CTNND2: variants seen among roughly 807,000 people sequenced by gnomAD.
CTNND2 encodes the protein catenin delta-2.
CTNND2 carries 22 observed loss-of-function variants against 144.4 expected under a neutral mutation model. The ratio of observed to expected loss-of-function variants is 0.15; its 90% CI spans 0.11 to 0.22. The LOEUF is 0.22. CTNND2 is among the 10% of genes least tolerant of loss of function. The pLI, the probability that CTNND2 is intolerant of heterozygous loss-of-function variation, is 1.00. For synonymous variants in CTNND2, 751 were observed against 695.6 expected (o/e 1.08, Z -1.25); for missense variants, 1,353 against 1,618.8 (o/e 0.84, Z 2.82).
intron 2 of CTNND2, among the ~76,000 whole-genome samples, chr5:11,697,585 A>C (rs1785199614): frequency 6.6e-6 from 1 of 152,338 alleles, no homozygotes; most frequent in South Asian, 2.1e-4. Flanking sequence ...AATCTATTCA[A>C]GAACCCCGCC....
intron 9 of CTNND2, among the ~76,000 whole-genome samples, chr5:11,297,183 T>G (rs1441655172): frequency 1.3e-5 from 2 of 152,204 alleles, no homozygotes; most frequent in African/African-American, 4.8e-5. Flanking sequence ...ATTCAAGGAT[T>G]TGAAGTTACA....
intron 14 of CTNND2, among the ~76,000 whole-genome samples, chr5:11,106,395 G>A (rs2149678221): frequency 6.6e-6 from 1 of 152,308 alleles, no homozygotes; most frequent in African/African-American, 2.4e-5. Flanking sequence ...GTGAAGAACT[G>A]CTTACTGGCA....
At chr5:11,408,519 TC>T (rs1332983642) in intron 5 of CTNND2, among the ~76,000 whole-genome samples, 1 of 152,162 alleles carries the variant, frequency 6.6e-6, no homozygotes, top group Admixed American at 6.5e-5. Flanking sequence ...ATCAATTGTT[TC>T]TTTTTTGTTT....
rs144444531 is a variant in CTNND2, at chr5:11,711,395, A to C, written c.174+20741T>G. Among the ~76,000 whole-genome samples the C allele has an allele frequency of 2.0e-3, 312 of 152,268 alleles. 3 individuals are homozygous for C. In the Middle Eastern group the frequency reaches 0.031, roughly 15 times the overall value. ...TGATAGCATTTTTTTATATATATTTAATCGGCATAGTCCTAATTTTAACAT... is the reference window on the plus strand; with the variant it reads ...TGATAGCATTTTTTTATATATATTTCATCGGCATAGTCCTAATTTTAACAT... On this transcript the variant is annotated intron_variant, in intron 2 of 21. Coordinates refer to ENST00000304623, the MANE Select transcript of CTNND2 (RefSeq NM_001332.4).
At chr5:11,702,248 T>C (rs1018366119) in intron 2 of CTNND2, among the ~76,000 whole-genome samples, 7 of 152,194 alleles carry the variant, frequency 4.6e-5, no homozygotes, top group African/African-American at 1.7e-4. Context: ...GTTTGTTACA[T>C]AGCATACTTG....
chr5:11,267,107 G>A (rs1378843641), intron 9 of CTNND2, among the ~76,000 whole-genome samples: 1 of 152,188 alleles, frequency 6.6e-6, no homozygotes, highest in East Asian at 1.9e-4. Context: ...TCGAACTTCT[G>A]ACCTCAGGTA....
At chr5:11,530,748 C>A (rs2150054298) in intron 3 of CTNND2, among the ~76,000 whole-genome samples, 1 of 152,330 alleles carries the variant, frequency 6.6e-6, no homozygotes, top group East Asian at 1.9e-4. Flanking sequence ...ATTTCGTCTA[C>A]AACTACGTGT....
chr5:11,806,108 A>G (rs924183818), intron 1 of CTNND2, among the ~76,000 whole-genome samples: 2 of 152,168 alleles, frequency 1.3e-5, no homozygotes, highest in Non-Finnish European at 2.9e-5. Context: ...TGATCCTAGA[A>G]GAGACAAAAA....
chr5:11,500,754 C>T (rs946305458), intron 3 of CTNND2, among the ~76,000 whole-genome samples: 24 of 152,248 alleles, frequency 1.6e-4, no homozygotes, highest in African/African-American at 5.3e-4. Flanking sequence ...CTGAACACCA[C>T]GCTGTGAAGT....
At chr5:11,335,839 T>C (rs1234144778) in intron 9 of CTNND2, among the ~76,000 whole-genome samples, 1 of 152,114 alleles carries the variant, frequency 6.6e-6, no homozygotes, top group Non-Finnish European at 1.5e-5. Context: ...CCAATCAGAC[T>C]GATTGTGGGC....
intron 16 of CTNND2, among the ~76,000 whole-genome samples, chr5:11,067,372 C>G (rs1366927910): frequency 1.3e-5 from 2 of 152,208 alleles, no homozygotes; most frequent in Non-Finnish European, 2.9e-5. Context: ...TATTTTTCTT[C>G]TCCTTTGCTT....
At chr5:11,772,166 T>G (rs543969522) in intron 1 of CTNND2, among the ~76,000 whole-genome samples, 1 of 152,346 alleles carries the variant, frequency 6.6e-6, no homozygotes, top group African/African-American at 2.4e-5. Flanking sequence ...TTAGAAGTTT[T>G]AATCTTAATT....
intron 3 of CTNND2, among the ~76,000 whole-genome samples, chr5:11,464,356 ATG>A (rs966432987): frequency 2.2e-4 from 34 of 152,318 alleles, no homozygotes; most frequent in African/African-American, 8.2e-4. Context: ...GTACTAAGGC[ATG>A]GTGATCACTG....
rs1463635338 is a variant in CTNND2, at chr5:10,973,503, G to T, written c.3628C>A (p.Leu1210Met). Residue 1210 changes from leucine to methionine, a missense_variant, in exon 22 of 22, where the codon CTG becomes ATG. This residue lies in a region of CTNND2 where 459 missense variants were observed against 674.3 expected (regional missense o/e 0.68). Transcript: ENST00000304623. The surrounding 1 kb of genome is among the most constrained non-coding windows in gnomAD (Gnocchi z 5.6). Reference sequence around the variant, plus strand: ...GGGTAGTGGCTCGTTTCATAGTTCAGTTCACTGTAGGGACGGGCAGCTGAG... The same window carrying T: ...GGGTAGTGGCTCGTTTCATAGTTCATTTCACTGTAGGGACGGGCAGCTGAG... ...FYSAARPYSE[L>M]NYETSHYPAS... The T allele has an allele frequency of 6.2e-7, 1 of 1,610,428 alleles. No individual in the cohort carries two copies. Among genetic ancestry groups the T allele is most frequent in the African/African-American group, 1.3e-5 (1 of 74,900 alleles).
chr5:11,755,614 T>A (rs1788886149), intron 1 of CTNND2, among the ~76,000 whole-genome samples: 1 of 148,826 alleles, frequency 6.7e-6, no homozygotes, highest in Non-Finnish European at 1.5e-5. Flanking sequence ...CATAATCCCA[T>A]ATTTCTAGGA....
chr5:11,135,796 C>T (rs913314308), intron 12 of CTNND2, among the ~76,000 whole-genome samples: 2 of 152,188 alleles, frequency 1.3e-5, no homozygotes, highest in African/African-American at 4.8e-5. Flanking sequence ...TGCACTGGCC[C>T]CTTACCATGC....
At chr5:11,284,498 G>A (rs917932543) in intron 9 of CTNND2, among the ~76,000 whole-genome samples, 3 of 152,114 alleles carry the variant, frequency 2.0e-5, no homozygotes, top group Non-Finnish European at 4.4e-5. Flanking sequence ...CCACTTAGAG[G>A]AGAGAACATG....
At chr5:11,819,946 GC>G (rs1793223698) in intron 1 of CTNND2, among the ~76,000 whole-genome samples, 1 of 152,176 alleles carries the variant, frequency 6.6e-6, no homozygotes, top group African/African-American at 2.4e-5. Context: ...TAAAGGAAGA[GC>G]CCTCAGGAGC....
chr5:11,329,268 G>A (rs1177044621), intron 9 of CTNND2, among the ~76,000 whole-genome samples: 1 of 152,118 alleles, frequency 6.6e-6, no homozygotes, highest in Non-Finnish European at 1.5e-5. Flanking sequence ...CGATTCTCCT[G>A]CCTCAGCCTC....
Sources: allele counts gnomAD v4.1 joint callset (sites outside exome capture counted in the v4.1 genomes callset), GRCh38; gene constraint gnomAD v4.1.1; regional missense constraint gnomAD v4.1.1; non-coding constraint Gnocchi (gnomAD v3.1); transcripts MANE v1.5; gene names NCBI Gene and HGNC (gene_info 2026-07-23, HGNC 2026-07-21).